The following ERAL1 variants were observed in gnomAD, a reference collection of about 807,000 sequenced individuals.
ERAL1 encodes GTPase Era, mitochondrial.
In ERAL1, 36 loss-of-function variants were observed where a neutral mutation model predicts 53.6. The observed-to-expected ratio is 0.67, with a 90% CI of 0.51 to 0.89. The LOEUF (loss-of-function observed/expected upper bound fraction) is 0.89. Ranked by LOEUF, ERAL1 falls within the 40% of genes least tolerant of loss-of-function variation. The pLI is 0.00. For missense variants in ERAL1, 512 were observed against 537.5 expected (o/e 0.95, Z 0.47); for synonymous variants, 215 against 211.8 (o/e 1.02, Z -0.13).
Position 28,855,297 on chromosome 17 carries a change from C to T in ERAL1, c.263C>T (p.Pro88Leu), listed in dbSNP as rs774593544. ...QPDSSVTPCV[P>L]AVSMNRDEQD... ...GACAGTTCGGTGACTCCTTGCGTCC[C>T]CGCGGTGTCCATGAACAGAGGTAAA... Residue 88 changes from proline (P) to leucine (L), a missense_variant, in exon 1 of 10, where the codon CCC becomes CTC. Physicochemically the swap from Pro to Leu is moderately conservative, Grantham distance 98. Coordinates refer to ENST00000254928, the MANE Select transcript of ERAL1 (RefSeq NM_005702.4). The T allele has an allele frequency of 1.9e-6, 3 of 1,602,740 alleles. No individual in the cohort carries two copies. Among genetic ancestry groups the T allele is most frequent in the Middle Eastern group, 1.7e-4 (1 of 6,000 alleles).
chr17:28,857,871 C>A, intron 3 of ERAL1, 68 bp from the exon 4 acceptor site: 1 of 1,548,002 alleles, frequency 6.5e-7, no homozygotes, highest in Non-Finnish European at 8.9e-7. Flanking sequence ...TCACAGGTAG[C>A]CTCTCTCTGA....
Position 28,857,669 on chromosome 17 carries a change from G to A in ERAL1, c.490-270G>A, listed in dbSNP as rs893179981. ...TAGCCGGGTGTGGTGGTGCACGCCTGTAATCCCAGCTACTCAGGAGGTTGA... is the reference window on the plus strand; with the variant it reads ...TAGCCGGGTGTGGTGGTGCACGCCTATAATCCCAGCTACTCAGGAGGTTGA... On this transcript the variant is annotated intron_variant, in intron 3 of 9. Coordinates refer to ENST00000254928, the MANE Select transcript of ERAL1 (RefSeq NM_005702.4). 2.0e-5 allele frequency among the ~76,000 whole-genome samples: 3 copies of A among 152,014 alleles called. No individual in the cohort carries two copies. In the South Asian group the frequency reaches 6.2e-4, roughly 31 times the overall value.
chr17:28,855,239 GCCCT>G lies in ERAL1; in HGVS notation c.206_209del (p.Ala69GlyfsTer14). ...TTCTCGCAGTAATGGCCAGGGCTCT[GCCCT>G]GGACCACTTCCTCGGATTCTCTCAG... On this transcript the variant is annotated frameshift_variant, in exon 1 of 10. Transcript: ENST00000254928. LOFTEE classifies it high-confidence loss of function. 1 of 1,613,624 alleles carries G rather than the reference GCCCT, an allele frequency of 6.2e-7. No homozygotes were observed. The highest frequency in any genetic ancestry group is 8.5e-7 in the Non-Finnish European group (1 of 1,179,658).
chr17:28,859,357 G>A, intron 9 of ERAL1, 74 bp downstream of exon 9: 2 of 1,404,194 alleles, frequency 1.4e-6, no homozygotes, highest in Non-Finnish European at 1.0e-6. Flanking sequence ...TTGGAGCCCT[G>A]AGAGCAGGAC....
chr17:28,859,229 A>G lies in ERAL1; in HGVS notation c.1137A>G (p.Pro379=). 1 of 1,614,180 alleles carries G rather than the reference A, an allele frequency of 6.2e-7. No homozygotes were observed. Among genetic ancestry groups the G allele is most frequent in the Non-Finnish European group, 8.5e-7 (1 of 1,180,026 alleles). ...QQKTAVWEEG[P]GGELVIQQKL... ...AGACAGCAGTGTGGGAGGAAGGACCAGGTGGGGAGCTGGTTATCCAACAGA... is the reference window on the plus strand; with the variant it reads ...AGACAGCAGTGTGGGAGGAAGGACCGGGTGGGGAGCTGGTTATCCAACAGA... The change falls in exon 9 of 10, where the codon CCA becomes CCG. Residue 379 remains proline, a synonymous_variant. Transcript: ENST00000254928.
In ERAL1 at chr17:28,860,449, A is replaced by G. The variant is rs779454471; in HGVS notation, c.1210A>G (p.Lys404Glu). 1 of 1,611,772 alleles carries G rather than the reference A, an allele frequency of 6.2e-7. No individual in the cohort carries two copies. The highest frequency in any genetic ancestry group is 1.1e-5 in the South Asian group (1 of 90,580). Residue 404 changes from lysine (K) to glutamate (E), a missense_variant, in exon 10 of 10, where the codon AAG becomes GAG. Coordinates refer to ENST00000254928, the MANE Select transcript of ERAL1 (RefSeq NM_005702.4). ...ESYVKLLIGP[K>E]GHVISQIAQE... ...CCCTCAGAAACTCCTGATTGGTCCG[A>G]AGGGCCACGTGATCTCCCAGATAGC...
chr17:28,860,998 C>G lies in ERAL1; in HGVS notation c.*445C>G, dbSNP rs1376548892. ...TCCCATCTGCTCCCCAATTCTTGAT[C>G]TCTCCCACCCCATCCCTCTCCCCAG... On this transcript the variant is annotated 3_prime_UTR_variant, in exon 10 of 10. Coordinates refer to ENST00000254928, the MANE Select transcript of ERAL1 (RefSeq NM_005702.4). 5.5e-6 allele frequency: 1 copy of G among 181,792 alleles called. No individual in the cohort carries two copies. The highest frequency in any genetic ancestry group is 2.4e-5 in the African/African-American group (1 of 41,578). The allele number at this position is 181,792 out of a possible 1,614,324, so 11.3% of individuals were successfully genotyped here. A position where few individuals can be genotyped will look rare whatever the true frequency, so the allele number is the denominator to read the frequency against.
At position 28,855,184 on chromosome 17, in the gene ERAL1, C is replaced by G. The variant is rs763183088; in HGVS notation, c.150C>G (p.Ser50=). The G allele has an allele frequency of 6.2e-7, 1 of 1,614,240 alleles. No homozygotes were observed. The highest frequency in any genetic ancestry group is 2.2e-5 in the East Asian group (1 of 44,878). Reference sequence around the variant, plus strand: ...GGTGCGTGTCCTGCGTCGCGGGGTCCGCTTTCTCTGGTCCCCGCTTGGCCT... The same window carrying G: ...GGTGCGTGTCCTGCGTCGCGGGGTCGGCTTTCTCTGGTCCCCGCTTGGCCT... ...QRRCVSCVAG[S]AFSGPRLASA... The change falls in exon 1 of 10, where the codon TCC becomes TCG. Residue 50 remains serine, a synonymous_variant. Coordinates refer to ENST00000254928, the MANE Select transcript of ERAL1 (RefSeq NM_005702.4).
chr17:28,860,382 CA>C, intron 9 of ERAL1, 48 bp from the exon 10 acceptor site: 1 of 1,604,950 alleles, frequency 6.2e-7, no homozygotes, highest in Non-Finnish European at 8.5e-7. Context: ...GCTGGGACTA[CA>C]GGCATGTGCC....
chr17:28,857,109 CTTT>C (rs1250044923), intron 3 of ERAL1, among the ~76,000 whole-genome samples: 2 of 138,996 alleles, frequency 1.4e-5, no homozygotes, highest in East Asian at 2.1e-4. Context: ...CTCTCGCTCT[CTTT>C]TTTTTTTTTT....
intron 9 of ERAL1, 118 bp from the exon 10 acceptor site, chr17:28,860,313 C>A: frequency 8.1e-7 from 1 of 1,232,894 alleles, no homozygotes; most frequent in Non-Finnish European, 1.1e-6. Flanking sequence ...CGCACTGTTA[C>A]CCAGGCTGGA....
intron 1 of ERAL1, among the ~76,000 whole-genome samples, chr17:28,855,823 T>C (rs183426659): frequency 6.6e-6 from 1 of 151,442 alleles, no homozygotes; most frequent in African/African-American, 2.4e-5. Flanking sequence ...TGGGAAAGCT[T>C]GCAGGGCCTT....
At position 28,860,475 on chromosome 17, in the gene ERAL1, A is replaced by G. The variant is rs769608392; in HGVS notation, c.1236A>G (p.Ala412=). 88 of 1,610,670 alleles carry G rather than the reference A, an allele frequency of 5.5e-5. 2 individuals carry two copies. The highest frequency in any genetic ancestry group is 5.9e-6 in the Non-Finnish European group (7 of 1,178,804). The change falls in exon 10 of 10, where the codon GCA becomes GCG. Residue 412 remains alanine, a synonymous_variant. Coordinates refer to ENST00000254928, the MANE Select transcript of ERAL1 (RefSeq NM_005702.4). ...GPKGHVISQI[A]QEAGHDLMDI... ...AGGGCCACGTGATCTCCCAGATAGC[A>G]CAGGAGGCAGGCCATGACCTCATGG...
intron 3 of ERAL1, 23 bp from the exon 4 acceptor site, chr17:28,857,916 G>T (rs1375565386): frequency 3.7e-6 from 6 of 1,613,988 alleles, no homozygotes; most frequent in Non-Finnish European, 5.1e-6. Context: ...TGGGGTCTGG[G>T]TATCTCACTT....
rs142217061 is a variant in ERAL1, at chr17:28,858,205, T to C, written c.596T>C (p.Leu199Pro). The C allele has an allele frequency of 5.4e-5, 87 of 1,613,894 alleles. No individual in the cohort carries two copies. Among genetic ancestry groups the C allele is most frequent in the Non-Finnish European group, 7.1e-5 (84 of 1,180,038 alleles). The change falls in exon 5 of 10, where the codon CTT becomes CCT. Residue 199 changes from leucine (L) to proline (P), a missense_variant and splice_region_variant. Leu to Pro is a moderately conservative substitution (Grantham distance 98, BLOSUM62 -3). Coordinates refer to ENST00000254928, the MANE Select transcript of ERAL1 (RefSeq NM_005702.4). Reference sequence around the variant, plus strand: ...TGGAAGAGCATGGAATCTGCTGATCTTGGTTAGGTTCAGGATGGGAACCTT... The same window carrying C: ...TGGAAGAGCATGGAATCTGCTGATCCTGGTTAGGTTCAGGATGGGAACCTT... ...DPWKSMESAD[L>P]VVVLVDVSDK...
chr17:28,855,094 G>C lies in ERAL1; in HGVS notation c.60G>C (p.Gln20His). The change falls in exon 1 of 10, where the codon CAG becomes CAC. Residue 20 changes from glutamine (Q) to histidine (H), a missense_variant. Gln to His is a conservative substitution (Grantham distance 24, BLOSUM62 0). Transcript: ENST00000254928. Reference sequence around the variant, plus strand: ...TTCAATCGGTGTTAAGAGTCTGGCAGGTGGGCCCTCATGTCGCGAGGGAGC... The same window carrying C: ...TTCAATCGGTGTTAAGAGTCTGGCACGTGGGCCCTCATGTCGCGAGGGAGC... ...RLVQSVLRVW[Q>H]VGPHVARERV... 6.2e-7 allele frequency: 1 copy of C among 1,614,212 alleles called. No individual in the cohort carries two copies. The highest frequency in any genetic ancestry group is 8.5e-7 in the Non-Finnish European group (1 of 1,180,022).
At position 28,858,684 on chromosome 17, in the gene ERAL1, C is replaced by T. The variant is rs142986474; in HGVS notation, c.820C>T (p.Pro274Ser). ...LKMRQAFHSH[P>S]GTHCPSPAVK... ...GATGAGGCAGGCCTTCCACTCACACCCTGGCACCCATTGCCCCAGCCCAGC... is the reference window on the plus strand; with the variant it reads ...GATGAGGCAGGCCTTCCACTCACACTCTGGCACCCATTGCCCCAGCCCAGC... Residue 274 changes from proline to serine, a missense_variant, in exon 7 of 10, where the codon CCT becomes TCT. Transcript: ENST00000254928. 6.2e-7 allele frequency: 1 copy of T among 1,614,084 alleles called. No individual in the cohort carries two copies. The highest frequency in any genetic ancestry group is 8.5e-7 in the Non-Finnish European group (1 of 1,180,052).
Position 28,859,011 on chromosome 17 carries a change from T to G in ERAL1, c.1008T>G (p.Ser336Arg). 1 of 1,614,202 alleles carries G rather than the reference T, an allele frequency of 6.2e-7. No individual in the cohort carries two copies. Among genetic ancestry groups the G allele is most frequent in the Non-Finnish European group, 8.5e-7 (1 of 1,180,032 alleles). The change falls in exon 8 of 10, where the codon AGT becomes AGG. Residue 336 changes from serine (S) to arginine (R), a missense_variant. By Grantham distance (110) the Ser-to-Arg change is moderately radical (BLOSUM62 -1). Coordinates refer to ENST00000254928, the MANE Select transcript of ERAL1 (RefSeq NM_005702.4). Reference protein sequence around the residue: ...QAQPGPWEYHSAVLTSQTPEE... With the variant: ...QAQPGPWEYHRAVLTSQTPEE... Reference sequence around the variant, plus strand: ...AGCCAGGGCCCTGGGAGTACCACAGTGCAGTCCTCACTAGCCAGACACCAG... The same window carrying G: ...AGCCAGGGCCCTGGGAGTACCACAGGGCAGTCCTCACTAGCCAGACACCAG...
intron 3 of ERAL1, 108 bp downstream of exon 3, chr17:28,856,690 G>C: frequency 1.0e-6 from 1 of 952,730 alleles, no homozygotes; most frequent in Non-Finnish European, 1.6e-6. Context: ...ATTTATGTGA[G>C]GAAAGGGGGT....
Sources: gnomAD v4.1 joint callset for allele counts (sites outside exome capture counted in the v4.1 genomes callset) on GRCh38, gnomAD v4.1.1 for gene constraint, MANE v1.5 for transcripts, NCBI Gene and HGNC (gene_info 2026-07-23, HGNC 2026-07-21) for gene names.